Variants in SEMA3A observed in about 807,000 individuals in gnomAD.
SEMA3A encodes the protein semaphorin 3A, also known as semaphorin-3A.
Under a neutral mutation model 97.9 loss-of-function variants are expected in SEMA3A, and 29 were observed. That is an observed-to-expected ratio of 0.30 (90% CI 0.22 to 0.40). The LOEUF (loss-of-function observed/expected upper bound fraction) is 0.40. Ranked by LOEUF, SEMA3A falls within the 10% of genes least tolerant of loss-of-function variation. SEMA3A has a pLI of 1.00. For missense variants in SEMA3A, 763 were observed against 951.3 expected, an observed-to-expected ratio of 0.80 and a Z score of 2.60; for synonymous variants, 321 against 323.7, an observed-to-expected ratio of 0.99 and a Z score of 0.09.
In SEMA3A at chr7:84,064,574, G is replaced by A. The variant is rs1177017850; in HGVS notation, c.454-4016C>T. Among the ~76,000 whole-genome samples the A allele has an allele frequency of 2.3e-3, 352 of 151,766 alleles. 1 individual carries two copies. The highest frequency in any genetic ancestry group is 8.0e-3 in the African/African-American group (331 of 41,262). On this transcript the variant is annotated intron_variant, in intron 4 of 16. Coordinates refer to ENST00000265362, the MANE Select transcript of SEMA3A (RefSeq NM_006080.3). Reference sequence around the variant, plus strand: ...GGCTCAAAATAAAAGGATGGAGGAAGATCTACCAAGCAAATGGAAAACAAA... The same window carrying A: ...GGCTCAAAATAAAAGGATGGAGGAAAATCTACCAAGCAAATGGAAAACAAA...
intron 4 of SEMA3A, among the ~76,000 whole-genome samples, chr7:84,068,290 G>T (rs1174067230): frequency 3.5e-5 from 5 of 144,850 alleles, no homozygotes; most frequent in African/African-American, 7.8e-5. Context: ...GGGTGAGGGG[G>T]GAGGGATAGC....
intron 9 of SEMA3A, 31 bp downstream of exon 9, chr7:84,010,991 G>A (rs377431564): frequency 1.1e-5 from 16 of 1,494,672 alleles, no homozygotes; most frequent in Non-Finnish European, 1.4e-5. Context: ...ATAACATTAA[G>A]TTTCTATAAG....
At chr7:84,005,945 T>C (rs1790649685) in intron 10 of SEMA3A, among the ~76,000 whole-genome samples, 1 of 152,016 alleles carries the variant, frequency 6.6e-6, no homozygotes, top group African/African-American at 2.4e-5. Flanking sequence ...CAAGAATCTG[T>C]CTCAAAAATA....
intron 3 of SEMA3A, among the ~76,000 whole-genome samples, chr7:84,247,591 T>C (rs572508972): frequency 6.6e-6 from 1 of 152,264 alleles, no homozygotes; most frequent in East Asian, 1.9e-4. Flanking sequence ...GCAAAACATT[T>C]TGACTGGCCA....
intron 3 of SEMA3A, among the ~76,000 whole-genome samples, chr7:84,302,191 T>C (rs576374523): frequency 6.6e-6 from 1 of 152,282 alleles, no homozygotes; most frequent in African/African-American, 2.4e-5. Flanking sequence ...TACATTTATA[T>C]ACTTATTTAT....
intron 3 of SEMA3A, among the ~76,000 whole-genome samples, chr7:84,250,405 C>T (rs1410177379): frequency 3.3e-5 from 5 of 152,106 alleles, no homozygotes; most frequent in South Asian, 2.1e-4. Context: ...ATGACTTTGA[C>T]GATCTCAGTC....
chr7:84,487,572 C>T (rs1354430501), intron 1 of SEMA3A, among the ~76,000 whole-genome samples: 1 of 151,936 alleles, frequency 6.6e-6, no homozygotes, highest in Non-Finnish European at 1.5e-5. Flanking sequence ...GATGAACTTA[C>T]AAATAAAAAT....
intron 3 of SEMA3A, among the ~76,000 whole-genome samples, chr7:84,286,762 C>A (rs1301174230): frequency 2.6e-5 from 4 of 152,122 alleles, no homozygotes; most frequent in African/African-American, 9.6e-5. Flanking sequence ...TCTTATTCTT[C>A]AAGAATATGT....
chr7:84,115,763 G>T (rs914578391), intron 3 of SEMA3A, among the ~76,000 whole-genome samples: 2 of 151,910 alleles, frequency 1.3e-5, no homozygotes, highest in African/African-American at 4.8e-5. Context: ...GTTTCCTACC[G>T]AACCAGGAAA....
Position 83,955,922 on chromosome 7 carries a change from T to C in SEMA3A, c.*5449A>G, listed in dbSNP as rs562721283. On this transcript the variant is annotated 3_prime_UTR_variant, in exon 17 of 17. Transcript: ENST00000265362. ...AACTTTTGCTTAGGTCCTATATAAA[T>C]AAACATTGTATATACAAGTATAGTG... 4 of 152,250 alleles carry C rather than the reference T, an allele frequency of 2.6e-5. No homozygotes were observed. Among genetic ancestry groups the C allele is most frequent in the African/African-American group, 9.6e-5 (4 of 41,540 alleles). 9.4% of individuals were successfully genotyped at this position (152,250 alleles called of 1,614,324 possible). A position where few individuals can be genotyped will look rare whatever the true frequency, so the allele number is the denominator to read the frequency against.
intron 3 of SEMA3A, among the ~76,000 whole-genome samples, chr7:84,218,274 A>C (rs531831886): frequency 6.6e-6 from 1 of 152,214 alleles, no homozygotes; most frequent in Non-Finnish European, 1.5e-5. Flanking sequence ...AATACTAATA[A>C]TGATTTAAAA....
At chr7:84,192,366 C>G (rs576143800) in intron 1 of SEMA3A, among the ~76,000 whole-genome samples, 1 of 151,942 alleles carries the variant, frequency 6.6e-6, no homozygotes, top group South Asian at 2.1e-4. Flanking sequence ...TCAGGCCATT[C>G]CTTTTATTCT....
At chr7:84,315,932 A>G (rs1801483717) in intron 2 of SEMA3A, among the ~76,000 whole-genome samples, 1 of 151,420 alleles carries the variant, frequency 6.6e-6, no homozygotes, top group Non-Finnish European at 1.5e-5. Flanking sequence ...TGTATTACTA[A>G]TATATATTTT....
chr7:84,030,528 C>CTG, intron 6 of SEMA3A, among the ~76,000 whole-genome samples: 1 of 151,700 alleles, frequency 6.6e-6, no homozygotes, highest in Middle Eastern at 3.4e-3. Flanking sequence ...TGATTTAAAT[C>CTG]TCTGAGAAGA....
At chr7:84,049,362 G>A (rs186765564) in intron 5 of SEMA3A, among the ~76,000 whole-genome samples, 101 of 152,140 alleles carry the variant, frequency 6.6e-4, no homozygotes, top group African/African-American at 2.3e-3. Context: ...CCTGGTGAGG[G>A]TTCTATGGGG....
intron 1 of SEMA3A, among the ~76,000 whole-genome samples, chr7:84,136,997 G>GAAGGA (rs1427945885): frequency 6.6e-6 from 1 of 151,046 alleles, no homozygotes; most frequent in African/African-American, 2.5e-5. Flanking sequence ...AGGAAGGAAG[G>GAAGGA]AAGGAAGGAA....
intron 10 of SEMA3A, 109 bp downstream of exon 10, chr7:84,007,244 C>A (rs1182163490): frequency 5.9e-6 from 5 of 854,104 alleles, no homozygotes; most frequent in South Asian, 4.0e-5. Flanking sequence ...ATCTTGAAAT[C>A]TTTTTTCTAC....
intron 15 of SEMA3A, among the ~76,000 whole-genome samples, chr7:83,966,188 GAAAAT>G (rs1177858327): frequency 2.6e-5 from 4 of 151,770 alleles, no homozygotes; most frequent in Non-Finnish European, 1.5e-5. Context: ...TCTTTCAATA[GAAAAT>G]ATTCTTTTAT....
chr7:84,488,892 A>G (rs1806650710), intron 1 of SEMA3A, among the ~76,000 whole-genome samples: 1 of 152,150 alleles, frequency 6.6e-6, no homozygotes, highest in Non-Finnish European at 1.5e-5. Flanking sequence ...ATGGTCAGAG[A>G]TAAAGCTAAC....
Sources: allele counts gnomAD v4.1 joint callset (sites outside exome capture counted in the v4.1 genomes callset), GRCh38; gene constraint gnomAD v4.1.1; transcripts MANE v1.5; gene names NCBI Gene and HGNC (gene_info 2026-07-23, HGNC 2026-07-21).